The following FYTTD1 variants were observed in gnomAD, a reference collection of about 807,000 sequenced individuals.
FYTTD1 encodes the protein forty-two-three domain containing 1, also known as UAP56-interacting factor.
A neutral mutation model predicts 40.9 loss-of-function variants in FYTTD1; 22 were observed. That is an observed-to-expected ratio of 0.54 (90% CI 0.38 to 0.77). The LOEUF (loss-of-function observed/expected upper bound fraction) is 0.77, where lower values mean the gene tolerates loss of function less well. Among genes scored for constraint, FYTTD1 ranks in the 30% least tolerant of loss-of-function variants. The pLI is 0.00. For missense variants in FYTTD1, 351 were observed against 392.2 expected, an observed-to-expected ratio of 0.90 and a Z score of 0.89; for synonymous variants, 140 against 137.9, an observed-to-expected ratio of 1.01 and a Z score of -0.10.
chr3:197,784,158 C>T lies in FYTTD1; in HGVS notation c.*2249C>T, dbSNP rs986226681. 4 of 152,290 alleles carry T rather than the reference C, an allele frequency of 2.6e-5. No homozygotes were observed. The highest frequency in any genetic ancestry group is 9.7e-5 in the African/African-American group (4 of 41,310). The allele number at this position is 152,290 out of a possible 1,614,324, so 9.4% of individuals were successfully genotyped here. ...CAAGGTATATGCAAAACATTGGTGCCGTGCATCACCAAATGAAAGTTTGTA... is the reference window on the plus strand; with the variant it reads ...CAAGGTATATGCAAAACATTGGTGCTGTGCATCACCAAATGAAAGTTTGTA... On this transcript the variant is annotated 3_prime_UTR_variant, in exon 9 of 9. Transcript: ENST00000241502.
At chr3:197,780,606 G>A (rs779375566) in intron 8 of FYTTD1, among the ~76,000 whole-genome samples, 2 of 151,536 alleles carry the variant, frequency 1.3e-5, no homozygotes, top group Admixed American at 1.3e-4. Flanking sequence ...GCAGTGGCAT[G>A]ATCTTGGCTG....
At chr3:197,773,576 G>C in intron 5 of FYTTD1, 77 bp downstream of exon 5, 1 of 794,390 alleles carries the variant, frequency 1.3e-6, no homozygotes, top group Non-Finnish European at 2.1e-6. Context: ...GCCACCTTTA[G>C]TAAGCCTCAG....
intron 8 of FYTTD1, 25 bp from the exon 9 acceptor site, chr3:197,781,786 G>C: frequency 2.6e-6 from 4 of 1,546,276 alleles, no homozygotes; most frequent in Middle Eastern, 1.7e-4. Flanking sequence ...CTTTGTTGTT[G>C]TTTTTGTTTT....
intron 6 of FYTTD1, among the ~76,000 whole-genome samples, chr3:197,775,305 A>T (rs1344924542): frequency 6.6e-6 from 1 of 152,208 alleles, no homozygotes. Context: ...TACTAATTCC[A>T]TCAGTGTGAT....
At chr3:197,773,243 A>C (rs1729768569) in intron 4 of FYTTD1, among the ~76,000 whole-genome samples, 160 bp from the exon 5 acceptor site, 1 of 152,208 alleles carries the variant, frequency 6.6e-6, no homozygotes, top group Non-Finnish European at 1.5e-5. Flanking sequence ...TTGTTAATCA[A>C]ATCTCAGTAG....
chr3:197,778,508 A>G, intron 8 of FYTTD1, 44 bp downstream of exon 8: 1 of 1,380,758 alleles, frequency 7.2e-7, no homozygotes, highest in Non-Finnish European at 1.0e-6. Flanking sequence ...TTTGCTGAGT[A>G]TTTTAATTAA....
At chr3:197,773,585 A>T (rs1410693152) in intron 5 of FYTTD1, 86 bp downstream of exon 5, 2 of 726,316 alleles carry the variant, frequency 2.8e-6, no homozygotes, top group East Asian at 2.7e-5. Flanking sequence ...AGTAAGCCTC[A>T]GTCATAGGCA....
chr3:197,768,439 G>A lies in FYTTD1; in HGVS notation c.236G>A (p.Gly79Asp), dbSNP rs1186662932. Residue 79 changes from glycine to aspartate, a missense_variant and splice_region_variant, in exon 3 of 9, where the codon GGT (glycine) becomes GAT (aspartate). Gly to Asp is a moderately conservative substitution (Grantham distance 94, BLOSUM62 -1). Transcript: ENST00000241502. ...TTCTTCTGTTTTTGCCCTCCTATAG[G>A]TTTTGGTAAGACTAGTCTGAATCGT... ...RVRWGIQQNS[G>D]FGKTSLNRRG... The A allele has an allele frequency of 1.2e-6, 2 of 1,601,498 alleles. No individual in the cohort carries two copies. Among genetic ancestry groups the A allele is most frequent in the Admixed American group, 3.4e-5 (2 of 58,912 alleles).
chr3:197,778,275 C>A, intron 7 of FYTTD1, 63 bp from the exon 8 acceptor site: 1 of 1,312,874 alleles, frequency 7.6e-7, no homozygotes. Context: ...TCTTAAGTAC[C>A]AAGTGAATTT....
intron 2 of FYTTD1, among the ~76,000 whole-genome samples, chr3:197,762,605 G>A (rs562861293): frequency 2.1e-5 from 3 of 143,608 alleles, no homozygotes; most frequent in African/African-American, 5.2e-5. Context: ...AAAAAAGGCC[G>A]GGCGCGGTGG....
Position 197,770,071 on chromosome 3 carries a change from A to G in FYTTD1, c.385-61A>G, listed in dbSNP as rs139509969. On this transcript the variant is annotated intron_variant, in intron 3 of 8. Coordinates refer to ENST00000241502, the MANE Select transcript of FYTTD1 (RefSeq NM_032288.7). ...TGTTCATTCTGCATCTGAAATGTTT[A>G]TTGTAGTAGAGTATATAGAAAAATG... is the stretch of plus-strand genomic sequence containing the variant. 4.9e-5 allele frequency: 45 copies of G among 910,890 alleles called. No individual in the cohort carries two copies. The African/African-American group carries it at 6.2e-4, about 13-fold the overall frequency. The allele number at this position is 910,890 out of a possible 1,614,324, so 56.4% of individuals were successfully genotyped here. A position where few individuals can be genotyped will look rare whatever the true frequency, so the allele number is the denominator to read the frequency against.
At position 197,770,257 on chromosome 3, in the gene FYTTD1, AAAT is replaced by A. The variant is rs1374183861; in HGVS notation, c.497+20_497+22del. 3.4e-6 allele frequency: 5 copies of A among 1,468,322 alleles called. No individual in the cohort carries two copies. Among genetic ancestry groups the A allele is most frequent in the Admixed American group, 1.7e-5 (1 of 57,896 alleles). 91.0% of individuals were successfully genotyped at this position (1,468,322 alleles called of 1,614,324 possible). A position where few individuals can be genotyped will look rare whatever the true frequency, so the allele number is the denominator to read the frequency against. On this transcript the variant is annotated intron_variant, in intron 4 of 8. Coordinates refer to ENST00000241502, the MANE Select transcript of FYTTD1 (RefSeq NM_032288.7). ...AGCTAAGCAGAAAGTAAGTGCTCAA[AAAT>A]AATAATGTGTTATTTTGCATTAAAA...
intron 8 of FYTTD1, among the ~76,000 whole-genome samples, chr3:197,778,921 G>GT (rs1193064845): frequency 6.6e-6 from 1 of 152,128 alleles, no homozygotes; most frequent in African/African-American, 2.4e-5. Context: ...GAATTGCTAG[G>GT]TTTATAGTAA....
At chr3:197,761,131 T>C (rs1457371251) in intron 2 of FYTTD1, among the ~76,000 whole-genome samples, 1 of 151,678 alleles carries the variant, frequency 6.6e-6, no homozygotes, top group Non-Finnish European at 1.5e-5. Context: ...TCTTCAGTGG[T>C]AGAATGTATA....
In FYTTD1 at chr3:197,781,867, C is replaced by T; in HGVS notation, c.915C>T (p.Leu305=). Residue 305 remains leucine, a synonymous_variant, in exon 9 of 9, where the codon CTC becomes CTT. Coordinates refer to ENST00000241502, the MANE Select transcript of FYTTD1 (RefSeq NM_032288.7). Reference sequence around the variant, plus strand: ...TCCTGAAGGAACAAAGAGCCACTCTCACATACAACAAAGGGGGAAGCCGCT... The same window carrying T: ...TCCTGAAGGAACAAAGAGCCACTCTTACATACAACAAAGGGGGAAGCCGCT... ...FGILKEQRAT[L]TYNKGGSRFV... 6.2e-7 allele frequency: 1 copy of T among 1,609,856 alleles called. No individual in the cohort carries two copies. Among genetic ancestry groups the T allele is most frequent in the Non-Finnish European group, 8.5e-7 (1 of 1,177,292 alleles).
chr3:197,765,602 C>A (rs958194176), intron 2 of FYTTD1, among the ~76,000 whole-genome samples: 2 of 152,130 alleles, frequency 1.3e-5, no homozygotes, highest in African/African-American at 4.8e-5. Flanking sequence ...TGGCTCACGC[C>A]TGTAACCCCA....
chr3:197,767,542 G>A (rs144539042), intron 2 of FYTTD1, among the ~76,000 whole-genome samples: 89 of 149,864 alleles, frequency 5.9e-4, no homozygotes, highest in African/African-American at 2.2e-3. Context: ...TCACTCTGTT[G>A]CAGCCTAGAA....
rs1434694503 is a variant in FYTTD1 at position 197,785,325 on chromosome 3, T to C, written c.*3416T>C. 1 of 152,180 alleles carries C rather than the reference T, an allele frequency of 6.6e-6. No individual in the cohort carries two copies. The highest frequency in any genetic ancestry group is 1.5e-5 in the Non-Finnish European group (1 of 68,026). 9.4% of individuals were successfully genotyped at this position (152,180 alleles called of 1,614,324 possible). On this transcript the variant is annotated 3_prime_UTR_variant, in exon 9 of 9. Transcript: ENST00000241502. ...GTCCCACATCTGTGTAAACGAAAAG[T>C]TGGCCCACTGTGTACATGGATTTTC...
At chr3:197,774,334 G>T (rs1729808318) in intron 6 of FYTTD1, 124 bp downstream of exon 6, 4 of 791,200 alleles carry the variant, frequency 5.1e-6, no homozygotes, top group Non-Finnish European at 8.3e-6. Flanking sequence ...CAGTCTGAAA[G>T]CTGGGCATAG....
Sources: allele counts gnomAD v4.1 joint callset (sites outside exome capture counted in the v4.1 genomes callset), GRCh38; gene constraint gnomAD v4.1.1; transcripts MANE v1.5; gene names NCBI Gene and HGNC (gene_info 2026-07-23, HGNC 2026-07-21).